Variants in CDH18 observed in about 807,000 individuals in gnomAD.
CDH18 encodes cadherin 18, also known as cadherin-18.
A neutral mutation model predicts 67.9 loss-of-function variants in CDH18; 31 were observed. That is an observed-to-expected ratio of 0.46 (90% CI 0.34 to 0.62). The LOEUF (loss-of-function observed/expected upper bound fraction) is 0.62. Ranked by LOEUF, CDH18 falls within the 20% of genes least tolerant of loss-of-function variation. CDH18 has a pLI of 0.01. For missense variants in CDH18, 890 were observed against 975.5 expected (o/e 0.91, Z 1.17); for synonymous variants, 362 against 347.2 (o/e 1.04, Z -0.48).
chr5:20,048,159 G>C (rs890423671), intron 2 of CDH18, among the ~76,000 whole-genome samples: 9 of 151,466 alleles, frequency 5.9e-5, no homozygotes, highest in African/African-American at 1.5e-4. Flanking sequence ...AATTAAATGT[G>C]ATAGGAAAAC....
intron 8 of CDH18, among the ~76,000 whole-genome samples, chr5:19,568,874 A>G (rs1740888393): frequency 6.6e-6 from 1 of 152,214 alleles, no homozygotes; most frequent in Admixed American, 6.5e-5. Context: ...ATAACTAGAT[A>G]TCTCTCCAGA....
intron 1 of CDH18, among the ~76,000 whole-genome samples, chr5:20,352,687 G>C (rs1741299441): frequency 6.6e-6 from 1 of 151,800 alleles, no homozygotes; most frequent in Non-Finnish European, 1.5e-5. Context: ...CCAGCTATCG[G>C]GAGGCTGAGG....
chr5:20,162,959 T>C (rs1231323367), intron 2 of CDH18, among the ~76,000 whole-genome samples: 1 of 151,870 alleles, frequency 6.6e-6, no homozygotes, highest in Non-Finnish European at 1.5e-5. Context: ...CTTGGTAGGC[T>C]GGGGCCGGAG....
intron 2 of CDH18, among the ~76,000 whole-genome samples, chr5:19,883,131 G>A (rs1787836476): frequency 6.6e-6 from 1 of 152,160 alleles, no homozygotes; most frequent in Admixed American, 6.6e-5. Context: ...CGAGAGCACT[G>A]ACCTTGACTT....
At chr5:20,269,281 G>A (rs1258701776) in intron 1 of CDH18, among the ~76,000 whole-genome samples, 1 of 152,124 alleles carries the variant, frequency 6.6e-6, no homozygotes, top group African/African-American at 2.4e-5. Context: ...CTGTTGATGG[G>A]AGTGTAAATT....
intron 2 of CDH18, among the ~76,000 whole-genome samples, chr5:20,137,846 C>T (rs1455664786): frequency 3.3e-5 from 5 of 151,976 alleles, no homozygotes; most frequent in African/African-American, 1.2e-4. Context: ...AAAAAAAGTC[C>T]AGGATCATAT....
At chr5:20,486,631 G>A (rs2126350908) in intron 1 of CDH18, among the ~76,000 whole-genome samples, 1 of 147,650 alleles carries the variant, frequency 6.8e-6, no homozygotes, top group African/African-American at 2.5e-5. Flanking sequence ...ACATGAGGAA[G>A]ACTTCATTAC....
intron 3 of CDH18, among the ~76,000 whole-genome samples, chr5:19,765,400 T>TA (rs1043662582): frequency 1.1e-3 from 51 of 48,556 alleles, no homozygotes; most frequent in Non-Finnish European, 6.5e-3. Flanking sequence ...TTTTTTATTT[T>TA]TTTTTTAATA....
chr5:20,225,932 G>A (rs1395778784), intron 2 of CDH18, among the ~76,000 whole-genome samples: 1 of 152,044 alleles, frequency 6.6e-6, no homozygotes, highest in Non-Finnish European at 1.5e-5. Context: ...ATGACTATGG[G>A]ACCTGTTTAT....
chr5:19,732,573 T>C (rs1767758573), intron 4 of CDH18, among the ~76,000 whole-genome samples: 1 of 152,200 alleles, frequency 6.6e-6, no homozygotes, highest in East Asian at 1.9e-4. Context: ...ATTTCTTGTT[T>C]AGCCTTTATA....
At chr5:19,753,651 A>C (rs1771144042) in intron 3 of CDH18, among the ~76,000 whole-genome samples, 1 of 152,224 alleles carries the variant, frequency 6.6e-6, no homozygotes, top group Admixed American at 6.5e-5. Context: ...AGACCTAGAC[A>C]CATTGCTATG....
At position 20,263,942 on chromosome 5, in the gene CDH18, A is replaced by G. The variant is rs369656000; in HGVS notation, c.-579-8437T>C. ...ATCTTATTTACCTAAATATAAAAAT[A>G]CAAATACATAACAGTATGTAGAATA... On this transcript the variant is annotated intron_variant, in intron 1 of 14. Transcript: ENST00000507958. Among the ~76,000 whole-genome samples, 48 of 152,280 alleles carry G rather than the reference A, an allele frequency of 3.2e-4. 1 individual carries two copies. The South Asian group carries it at 9.3e-3, about 30-fold the overall frequency.
At chr5:20,099,903 C>T (rs1001044570) in intron 2 of CDH18, among the ~76,000 whole-genome samples, 1 of 152,116 alleles carries the variant, frequency 6.6e-6, no homozygotes, top group African/African-American at 2.4e-5. Flanking sequence ...CATGCCTCTG[C>T]CTCCCAAGTA....
intron 3 of CDH18, among the ~76,000 whole-genome samples, chr5:19,806,821 C>G (rs1241840122): frequency 6.6e-6 from 1 of 152,142 alleles, no homozygotes; most frequent in East Asian, 1.9e-4. Context: ...AGAAGCAAGA[C>G]TGATTGTATA....
intron 2 of CDH18, among the ~76,000 whole-genome samples, chr5:19,921,447 T>C (rs1238419857): frequency 6.6e-5 from 10 of 150,504 alleles, no homozygotes; most frequent in South Asian, 4.2e-4. Flanking sequence ...AGGAGAATGG[T>C]GTGAACCCGG....
chr5:19,769,483 T>A (rs188984553), intron 3 of CDH18, among the ~76,000 whole-genome samples: 1 of 152,198 alleles, frequency 6.6e-6, no homozygotes, highest in African/African-American at 2.4e-5. Context: ...AATTACAATG[T>A]TCCTAGATAA....
At chr5:19,910,830 AT>A (rs1791059618) in intron 2 of CDH18, among the ~76,000 whole-genome samples, 2 of 152,238 alleles carry the variant, frequency 1.3e-5, no homozygotes. Context: ...CATGAATCCA[AT>A]AACTGCATAA....
At chr5:20,152,959 T>C (rs1751238552) in intron 2 of CDH18, among the ~76,000 whole-genome samples, 1 of 151,226 alleles carries the variant, frequency 6.6e-6, no homozygotes. Context: ...TTTTTTTTTT[T>C]TGAGACGGAG....
At chr5:19,591,680 AG>A (rs551147204) in intron 6 of CDH18, among the ~76,000 whole-genome samples, 133 of 152,084 alleles carry the variant, frequency 8.7e-4, no homozygotes, top group Non-Finnish European at 1.5e-3. Context: ...CAGAAAAACA[AG>A]ATAAAATGCC....
Sources: allele counts gnomAD v4.1 joint callset (sites outside exome capture counted in the v4.1 genomes callset), GRCh38; gene constraint gnomAD v4.1.1; transcripts MANE v1.5; gene names NCBI Gene and HGNC (gene_info 2026-07-23, HGNC 2026-07-21).